Variants in CRYL1 observed in about 807,000 individuals in gnomAD.
The protein encoded by CRYL1 is lambda-crystallin homolog.
A neutral mutation model predicts 36.6 loss-of-function variants in CRYL1; 29 were observed. The ratio of observed to expected loss-of-function variants is 0.79; its 90% CI spans 0.59 to 1.08. The LOEUF (loss-of-function observed/expected upper bound fraction) is 1.08, where lower values mean the gene tolerates loss of function less well. Among genes scored for constraint, CRYL1 ranks in the 50% least tolerant of loss-of-function variants. The pLI, the probability that CRYL1 is intolerant of heterozygous loss-of-function variation, is 0.00. For synonymous variants in CRYL1, 152 were observed against 151.5 expected (o/e 1.00, Z -0.02); for missense variants, 411 against 407.9 (o/e 1.01, Z -0.06).
Position 20,431,567 on chromosome 13 carries a change from T to C in CRYL1, c.633+535A>G, listed in dbSNP as rs2032060257. On this transcript the variant is annotated intron_variant, in intron 5 of 7. Transcript: ENST00000298248. Reference sequence around the variant, plus strand: ...CAGCCAGGCCATTTCTTCACCTCCATGTAAAATCCTTTCATTAGAGGATGA... The same window carrying C: ...CAGCCAGGCCATTTCTTCACCTCCACGTAAAATCCTTTCATTAGAGGATGA... 4 of 1,012,440 alleles carry C rather than the reference T, an allele frequency of 4.0e-6. No homozygotes were observed. The South Asian group carries it at 1.2e-4, about 30-fold the overall frequency. The allele number at this position is 1,012,440 out of a possible 1,614,324, so 62.7% of individuals were successfully genotyped here.
Position 20,425,645 on chromosome 13 carries a change from T to C in CRYL1, c.633+6457A>G, listed in dbSNP as rs1256871161. Among the ~76,000 whole-genome samples, 2 of 152,156 alleles carry C rather than the reference T, an allele frequency of 1.3e-5. No homozygotes were observed. Among genetic ancestry groups the C allele is most frequent in the African/African-American group, 2.4e-5 (1 of 41,448 alleles). ...AGGACCATTCACCTCCAAGTGAACA[T>C]AGCACATGTGAGAGAAATGTAAGCG... On this transcript the variant is annotated intron_variant, in intron 5 of 7. Coordinates refer to ENST00000298248, the MANE Select transcript of CRYL1 (RefSeq NM_015974.3). The surrounding 1 kb of genome is among the most constrained non-coding windows in gnomAD (Gnocchi z 4.4).
At chr13:20,509,701 G>A (rs1024428131) in intron 2 of CRYL1, among the ~76,000 whole-genome samples, 1 of 152,150 alleles carries the variant, frequency 6.6e-6, no homozygotes, top group Non-Finnish European at 1.5e-5. Context: ...GCCGAGGCGG[G>A]TGGATCACCT....
intron 2 of CRYL1, among the ~76,000 whole-genome samples, chr13:20,492,462 G>A (rs985151888): frequency 2.0e-5 from 3 of 152,160 alleles, no homozygotes; most frequent in Non-Finnish European, 4.4e-5. Flanking sequence ...AGCGTCAGCA[G>A]GGAACGCACT....
chr13:20,469,597 T>A (rs1257701145), intron 3 of CRYL1, among the ~76,000 whole-genome samples: 3 of 152,196 alleles, frequency 2.0e-5, no homozygotes, highest in African/African-American at 7.2e-5. Context: ...GACTTTTCCT[T>A]CCTCTAGAAT....
intron 3 of CRYL1, among the ~76,000 whole-genome samples, chr13:20,453,240 C>G (rs1404278713): frequency 3.3e-5 from 5 of 152,028 alleles, no homozygotes; most frequent in African/African-American, 9.7e-5. Context: ...AGAAATCAAA[C>G]AAAGTATGTT....
chr13:20,463,788 G>C (rs1446665984), intron 3 of CRYL1, among the ~76,000 whole-genome samples: 1 of 152,196 alleles, frequency 6.6e-6, no homozygotes, highest in African/African-American at 2.4e-5. Context: ...AATACATTTA[G>C]AAATGTATAA....
At chr13:20,404,851 C>T (rs1162390346) in intron 6 of CRYL1, 110 bp from the exon 7 acceptor site, 1 of 752,768 alleles carries the variant, frequency 1.3e-6, no homozygotes, top group South Asian at 1.6e-5. Flanking sequence ...AGATAAGCTA[C>T]ACTCTTCCCT....
rs573879284 is a variant in CRYL1 at position 20,487,975 on chromosome 13, A to G, written c.276+1395T>C. ...AAATTAGCTGGGTGTGGTGGTGCAC[A>G]CTTGTAATCCCAGCCACTCCACAGG... On this transcript the variant is annotated intron_variant, in intron 3 of 7. Transcript: ENST00000298248. Among the ~76,000 whole-genome samples the G allele has an allele frequency of 2.5e-4, 38 of 151,770 alleles. No individual in the cohort carries two copies. The East Asian group carries it at 6.6e-3, about 26-fold the overall frequency.
At chr13:20,446,221 C>T (rs1473589173) in intron 3 of CRYL1, among the ~76,000 whole-genome samples, 3 of 152,218 alleles carry the variant, frequency 2.0e-5, no homozygotes, top group Admixed American at 6.5e-5. Flanking sequence ...AAATGATTCT[C>T]CTGCCTCAAC....
At chr13:20,439,521 A>AAAAAAAAAG in intron 4 of CRYL1, 72 bp downstream of exon 4, 5 of 963,876 alleles carry the variant, frequency 5.2e-6, no homozygotes, top group Admixed American at 2.9e-5. Context: ...CCGCAAAAAA[A>AAAAAAAAAG]AAAAAAAAAG....
chr13:20,474,037 C>G (rs900061125), intron 3 of CRYL1, among the ~76,000 whole-genome samples: 4 of 152,116 alleles, frequency 2.6e-5, no homozygotes, highest in Non-Finnish European at 5.9e-5. Context: ...TTCCCTACCT[C>G]TGGGCTGGGA....
intron 4 of CRYL1, among the ~76,000 whole-genome samples, chr13:20,437,350 C>G (rs1349544014): frequency 6.6e-6 from 1 of 151,078 alleles, no homozygotes; most frequent in Non-Finnish European, 1.5e-5. Context: ...CTCTGTCGCC[C>G]AGGCTGGAGT....
At chr13:20,476,826 C>T (rs1336977175) in intron 3 of CRYL1, 3 of 152,024 alleles carry the variant, frequency 2.0e-5, no homozygotes, top group Admixed American at 1.3e-4. Flanking sequence ...AGTTCAAGAC[C>T]AGCTTGGACA....
At chr13:20,504,460 C>G (rs897642054) in intron 2 of CRYL1, among the ~76,000 whole-genome samples, 1 of 151,906 alleles carries the variant, frequency 6.6e-6, no homozygotes, top group Non-Finnish European at 1.5e-5. Flanking sequence ...CCCACCATCA[C>G]GCCCAGCTGA....
intron 2 of CRYL1, among the ~76,000 whole-genome samples, chr13:20,506,240 A>G (rs2033794033): frequency 6.6e-6 from 1 of 152,226 alleles, no homozygotes; most frequent in Non-Finnish European, 1.5e-5. Context: ...AAAGAAGTAC[A>G]ACCAGTTCTG....
chr13:20,446,880 T>A (rs545083636), intron 3 of CRYL1, among the ~76,000 whole-genome samples: 1 of 152,354 alleles, frequency 6.6e-6, no homozygotes, highest in East Asian at 1.9e-4. Flanking sequence ...TTCAAAATCT[T>A]CATTGTGGCT....
intron 1 of CRYL1, among the ~76,000 whole-genome samples, chr13:20,524,279 G>GTA (rs1020041407): frequency 2.0e-5 from 3 of 152,034 alleles, no homozygotes; most frequent in African/African-American, 4.8e-5. Context: ...AACTGTGTGT[G>GTA]TATATATATG....
At chr13:20,465,912 G>A (rs1286115337) in intron 3 of CRYL1, among the ~76,000 whole-genome samples, 3 of 148,756 alleles carry the variant, frequency 2.0e-5, no homozygotes, top group African/African-American at 2.5e-5. Context: ...CTATGAATGA[G>A]TTCTTGCTCT....
At chr13:20,500,640 A>C (rs1349940952) in intron 2 of CRYL1, among the ~76,000 whole-genome samples, 3 of 152,214 alleles carry the variant, frequency 2.0e-5, no homozygotes, top group Non-Finnish European at 4.4e-5. Flanking sequence ...ATTGTGTTTC[A>C]GAAGAAAAAC....
Sources: allele counts gnomAD v4.1 joint callset (sites outside exome capture counted in the v4.1 genomes callset), GRCh38; gene constraint gnomAD v4.1.1; non-coding constraint Gnocchi (gnomAD v3.1); transcripts MANE v1.5; gene names NCBI Gene and HGNC (gene_info 2026-07-23, HGNC 2026-07-21).